Variants in KANSL1 observed in about 807,000 individuals in gnomAD.
The protein encoded by KANSL1 is MLL1/MLL complex subunit KANSL1.
In KANSL1, 22 loss-of-function variants were observed where a neutral mutation model predicts 103.6. The ratio of observed to expected loss-of-function variants is 0.21; its 90% CI spans 0.15 to 0.30. The LOEUF is 0.30. Among genes scored for constraint, KANSL1 ranks in the 10% least tolerant of loss-of-function variants. KANSL1 has a pLI of 1.00. For missense variants in KANSL1, 1,337 were observed against 1,399.8 expected (o/e 0.96, Z 0.72); for synonymous variants, 600 against 527.6 (o/e 1.14, Z -1.88).
chr17:46,145,798 G>C (rs1375130338), intron 2 of KANSL1, among the ~76,000 whole-genome samples: 2 of 152,140 alleles, frequency 1.3e-5, no homozygotes, highest in Non-Finnish European at 2.9e-5. Flanking sequence ...ATGCAATCCT[G>C]GTTCACTCCA....
intron 1 of KANSL1, among the ~76,000 whole-genome samples, chr17:46,216,339 T>G (rs1270956328): frequency 6.6e-6 from 1 of 152,026 alleles, no homozygotes; most frequent in Admixed American, 6.6e-5. Flanking sequence ...TGGGCCAGAC[T>G]TGGTGACTCA....
At chr17:46,169,556 A>C (rs2046175818) in intron 2 of KANSL1, 1 of 152,256 alleles carries the variant, frequency 6.6e-6, no homozygotes, top group African/African-American at 2.4e-5. Context: ...AGGAAACACC[A>C]ATTCTTCCCA....
chr17:46,038,456 C>A (rs1357251793), intron 10 of KANSL1, 82 bp downstream of exon 10: 1 of 1,488,512 alleles, frequency 6.7e-7, no homozygotes, highest in African/African-American at 1.4e-5. Context: ...TTATAACCCA[C>A]CCTCACACTG....
At chr17:46,042,963 G>C (rs1477732652) in intron 7 of KANSL1, 1 of 152,118 alleles carries the variant, frequency 6.6e-6, no homozygotes, top group African/African-American at 2.4e-5. Context: ...CAGTCTCTGA[G>C]GACAGTGCTG....
At chr17:46,165,820 A>G (rs911257478) in intron 2 of KANSL1, among the ~76,000 whole-genome samples, 9 of 152,158 alleles carry the variant, frequency 5.9e-5, no homozygotes, top group Non-Finnish European at 1.2e-4. Context: ...CAAAAGCAAC[A>G]ATATAGAACA....
chr17:46,217,963 T>A (rs2048393682), intron 1 of KANSL1, among the ~76,000 whole-genome samples: 1 of 151,988 alleles, frequency 6.6e-6, no homozygotes, highest in Admixed American at 6.6e-5. Flanking sequence ...GAGGCAGAGG[T>A]TGCAGTGAAC....
chr17:46,113,100 A>G (rs2042892919), intron 2 of KANSL1, among the ~76,000 whole-genome samples: 1 of 152,006 alleles, frequency 6.6e-6, no homozygotes, highest in Non-Finnish European at 1.5e-5. Flanking sequence ...GCCTGAAGAC[A>G]TTTTTTGTTG....
At chr17:46,221,987 C>T (rs1337863378) in intron 1 of KANSL1, 1 of 152,132 alleles carries the variant, frequency 6.6e-6, no homozygotes, top group African/African-American at 2.4e-5. Flanking sequence ...ACCAGACGAA[C>T]ACTGTAATTT....
intron 1 of KANSL1, among the ~76,000 whole-genome samples, chr17:46,218,501 G>T (rs1332877237): frequency 1.3e-5 from 2 of 152,226 alleles, no homozygotes; most frequent in Admixed American, 6.5e-5. Flanking sequence ...ATTACAATAA[G>T]AGCTGGCGTG....
At chr17:46,105,906 GACAC>G (rs773000790) in intron 2 of KANSL1, among the ~76,000 whole-genome samples, 1,120 of 95,192 alleles carry the variant, frequency 0.012, 5 homozygotes, top group Middle Eastern at 0.022. Flanking sequence ...GCAAGGCCTT[GACAC>G]ACACACACAC....
chr17:46,055,595 C>T (rs980555610), intron 6 of KANSL1, among the ~76,000 whole-genome samples: 2 of 151,820 alleles, frequency 1.3e-5, no homozygotes, highest in South Asian at 4.2e-4. Context: ...AATGCAGAAT[C>T]TTAATAGACT....
intron 2 of KANSL1, chr17:46,148,135 T>A (rs913467149): frequency 6.6e-6 from 1 of 152,264 alleles, no homozygotes; most frequent in Non-Finnish European, 1.5e-5. Context: ...TTAGCTACTA[T>A]GGTGGAAATT....
At chr17:46,114,229 G>A (rs761265326) in intron 2 of KANSL1, among the ~76,000 whole-genome samples, 7 of 152,126 alleles carry the variant, frequency 4.6e-5, no homozygotes, top group Non-Finnish European at 7.4e-5. Flanking sequence ...CATGGTGGCA[G>A]GCGCCTGTTG....
upstream of KANSL1, chr17:46,225,039 C>G (rs2048642594): frequency 1.3e-5 from 2 of 151,590 alleles, no homozygotes. Flanking sequence ...GGCCCGCCCC[C>G]CGGGCAGCCA....
intron 2 of KANSL1, among the ~76,000 whole-genome samples, chr17:46,149,714 G>C (rs2147472827): frequency 6.6e-6 from 1 of 152,296 alleles, no homozygotes; most frequent in South Asian, 2.1e-4. Flanking sequence ...TGATTTAAAA[G>C]TCACTTTCCT....
At chr17:46,186,679 T>C (rs2696706) in intron 1 of KANSL1, among the ~76,000 whole-genome samples, 21,954 of 152,240 alleles carry the variant, frequency 0.14, 2,135 homozygotes, top group Non-Finnish European at 0.22. Flanking sequence ...TGGTAACATA[T>C]GGAGAGTTTA....
At chr17:46,138,174 A>C (rs2044247960) in intron 2 of KANSL1, among the ~76,000 whole-genome samples, 1 of 152,214 alleles carries the variant, frequency 6.6e-6, no homozygotes, top group South Asian at 2.1e-4. Flanking sequence ...CCAAAATAGG[A>C]AACTTTCTGA....
upstream of KANSL1, chr17:46,195,922 AAAT>A (rs1410303756): frequency 1.9e-5 from 3 of 159,186 alleles, no homozygotes; most frequent in African/African-American, 4.8e-5. Context: ...CCTACATACA[AAAT>A]AAAACAAACA....
intron 4 of KANSL1, among the ~76,000 whole-genome samples, chr17:46,080,871 A>C (rs1338428668): frequency 6.6e-6 from 1 of 152,170 alleles, no homozygotes; most frequent in African/African-American, 2.4e-5. Context: ...TATTTATTTT[A>C]CTCAATCCAA....
Sources: gnomAD v4.1 joint callset for allele counts (sites outside exome capture counted in the v4.1 genomes callset) on GRCh38, gnomAD v4.1.1 for gene constraint, MANE v1.5 for transcripts, NCBI Gene and HGNC (gene_info 2026-07-23, HGNC 2026-07-21) for gene names.